CHL1: variants seen among roughly 807,000 people sequenced by gnomAD.
The protein encoded by CHL1 is neural cell adhesion molecule L1-like protein.
In CHL1, 96 loss-of-function variants were observed where a neutral mutation model predicts 141.9. The observed-to-expected ratio is 0.68, with a 90% CI of 0.57 to 0.80. The LOEUF is 0.80. Among genes scored for constraint, CHL1 ranks in the 30% least tolerant of loss-of-function variants. CHL1 has a pLI of 0.00. For missense variants in CHL1, 1,820 were observed against 1,457.2 expected, an observed-to-expected ratio of 1.25 and a Z score of -4.05; for synonymous variants, 613 against 502.2, an observed-to-expected ratio of 1.22 and a Z score of -2.95.
Position 342,090 on chromosome 3 carries a change from C to T in CHL1, c.679+8C>T, listed in dbSNP as rs1702387438. ...AACTAACAGTTAACAGTTGTAAGTC[C>T]ACATAATTTATCGTTTCATCATGTA... On this transcript the variant is annotated splice_region_variant and intron_variant, in intron 7 of 27. Coordinates refer to ENST00000256509, the MANE Select transcript of CHL1 (RefSeq NM_006614.4). The T allele has an allele frequency of 6.3e-7, 1 of 1,597,820 alleles. No homozygotes were observed. Among genetic ancestry groups the T allele is most frequent in the Non-Finnish European group, 8.6e-7 (1 of 1,167,618 alleles).
At chr3:386,669 T>C (rs1303131920) in intron 19 of CHL1, among the ~76,000 whole-genome samples, 2 of 152,152 alleles carry the variant, frequency 1.3e-5, no homozygotes, top group East Asian at 1.9e-4. Context: ...ACCCCACTAA[T>C]GTTGGGAAGC....
chr3:330,120 T>G (rs1424290297), intron 5 of CHL1, among the ~76,000 whole-genome samples: 1 of 152,108 alleles, frequency 6.6e-6, no homozygotes, highest in Non-Finnish European at 1.5e-5. Context: ...TTATATTTGA[T>G]GATATATTGG....
chr3:223,203 A>G (rs1334742318), intron 1 of CHL1, among the ~76,000 whole-genome samples: 2 of 152,214 alleles, frequency 1.3e-5, no homozygotes, highest in South Asian at 2.1e-4. Context: ...TGGTTGATAT[A>G]TCCATAAAAT....
chr3:342,623 G>T (rs986841944), intron 7 of CHL1, among the ~76,000 whole-genome samples: 1 of 152,138 alleles, frequency 6.6e-6, no homozygotes, highest in African/African-American at 2.4e-5. Flanking sequence ...TTTGCTGAGC[G>T]AATAATTGGC....
In CHL1 at chr3:394,743, C is replaced by G. The variant is rs757399198; in HGVS notation, c.2965C>G (p.Pro989Ala). The stretch of plus-strand genomic sequence containing the variant: ...ATTAAATGATATTAACATTACAACT[C>G]CATCAAAGCCCAGCTGGCACCTCTC... ...GELNDINITT[P>A]SKPSWHLSNL... Residue 989 changes from proline (P) to alanine (A), a missense_variant, in exon 24 of 28, where the codon CCA becomes GCA. Physicochemically the swap from Pro to Ala is conservative, Grantham distance 27 (BLOSUM62 -1). Coordinates refer to ENST00000256509, the MANE Select transcript of CHL1 (RefSeq NM_006614.4). 8 of 1,613,640 alleles carry G rather than the reference C, an allele frequency of 5.0e-6. No individual in the cohort carries two copies. The East Asian group carries it at 1.8e-4, about 36-fold the overall frequency.
chr3:337,750 T>C (rs1702020513), intron 5 of CHL1, among the ~76,000 whole-genome samples: 1 of 152,200 alleles, frequency 6.6e-6, no homozygotes, highest in Admixed American at 6.5e-5. Flanking sequence ...CACATTTTCT[T>C]AATCCAGTCT....
chr3:313,740 T>A (rs1699934594), intron 2 of CHL1, among the ~76,000 whole-genome samples: 1 of 152,236 alleles, frequency 6.6e-6, no homozygotes, highest in African/African-American at 2.4e-5. Flanking sequence ...GTTGCCTTTC[T>A]ATGCTTTATT....
At chr3:312,179 CATT>C (rs1456371766) in intron 2 of CHL1, among the ~76,000 whole-genome samples, 2 of 152,120 alleles carry the variant, frequency 1.3e-5, no homozygotes, top group Non-Finnish European at 2.9e-5. Context: ...TATCCCACAT[CATT>C]ATTAACTAAA....
In CHL1 at chr3:408,751, C is replaced by A. The variant is rs1342129051; in HGVS notation, c.*3040C>A. Reference sequence around the variant, plus strand: ...AATTATTAATCAGAAGAAAATTAAGCAGGGTCTTTGCTATACAAAAGTGTT... The same window carrying A: ...AATTATTAATCAGAAGAAAATTAAGAAGGGTCTTTGCTATACAAAAGTGTT... On this transcript the variant is annotated 3_prime_UTR_variant, in exon 28 of 28. Transcript: ENST00000256509. 1 of 151,978 alleles carries A rather than the reference C, an allele frequency of 6.6e-6. No individual in the cohort carries two copies. The highest frequency in any genetic ancestry group is 2.1e-4 in the South Asian group (1 of 4,830). 9.4% of individuals were successfully genotyped at this position (151,978 alleles called of 1,614,324 possible).
chr3:355,101 C>G (rs1703597921), intron 11 of CHL1, among the ~76,000 whole-genome samples: 1 of 152,130 alleles, frequency 6.6e-6, no homozygotes, highest in African/African-American at 2.4e-5. Flanking sequence ...TGAGAAGAAA[C>G]AGAACAGTAG....
intron 1 of CHL1, among the ~76,000 whole-genome samples, chr3:226,918 C>T (rs1019814431): frequency 1.3e-5 from 2 of 152,040 alleles, no homozygotes; most frequent in African/African-American, 4.8e-5. Flanking sequence ...CATATTATTC[C>T]TTGTCAAAAT....
At chr3:205,831 A>T (rs1699383106) in intron 1 of CHL1, among the ~76,000 whole-genome samples, 1 of 152,210 alleles carries the variant, frequency 6.6e-6, no homozygotes, top group Non-Finnish European at 1.5e-5. Flanking sequence ...TGCAATCTCC[A>T]CATCAGTGAT....
intron 19 of CHL1, among the ~76,000 whole-genome samples, chr3:386,492 A>G (rs1406581419): frequency 6.6e-6 from 1 of 152,220 alleles, no homozygotes; most frequent in Non-Finnish European, 1.5e-5. Context: ...GCAAAACAGG[A>G]CAAAAGAGTC....
chr3:283,708 A>G (rs901502132), intron 2 of CHL1, among the ~76,000 whole-genome samples: 2 of 152,222 alleles, frequency 1.3e-5, no homozygotes, highest in East Asian at 1.9e-4. Flanking sequence ...CCCCATGGGT[A>G]CATACATTGG....
intron 14 of CHL1, among the ~76,000 whole-genome samples, chr3:364,877 A>C (rs552927051): frequency 1.3e-5 from 2 of 152,220 alleles, no homozygotes; most frequent in South Asian, 4.1e-4. Flanking sequence ...AAAATGCCAC[A>C]ATGAATATGC....
intron 2 of CHL1, chr3:248,390 A>G (rs1289461222): frequency 6.6e-6 from 1 of 152,136 alleles, no homozygotes; most frequent in Admixed American, 6.6e-5. Flanking sequence ...CACTATATGA[A>G]GAATTACATT....
At chr3:241,737 T>G (rs1207091519) in intron 1 of CHL1, among the ~76,000 whole-genome samples, 1 of 152,210 alleles carries the variant, frequency 6.6e-6, no homozygotes, top group Non-Finnish European at 1.5e-5. Context: ...TTAAATTACT[T>G]TCTTTTTAAT....
chr3:389,361 T>C lies in CHL1; in HGVS notation c.2357T>C (p.Leu786Ser). ...WEEETVTNHT[L>S]RVMTPAVYAP... ...GAAGAAACAGTCACAAACCACACAT[T>C]GCGGGTGATGACGCCTGCTGTCTAT... Residue 786 changes from leucine (L) to serine (S), a missense_variant, in exon 20 of 28, where the codon TTG (leucine) becomes TCG (serine). By Grantham distance (145) the Leu-to-Ser change is moderately radical. Coordinates refer to ENST00000256509, the MANE Select transcript of CHL1 (RefSeq NM_006614.4). The C allele has an allele frequency of 6.2e-7, 1 of 1,614,130 alleles. No homozygotes were observed. The highest frequency in any genetic ancestry group is 2.2e-5 in the East Asian group (1 of 44,878).
intron 16 of CHL1, among the ~76,000 whole-genome samples, chr3:381,073 A>G (rs114604026): frequency 6.6e-6 from 1 of 152,096 alleles, no homozygotes; most frequent in Non-Finnish European, 1.5e-5. Context: ...TCCTGGGCCC[A>G]CCTTCCTCAG....
Sources: allele counts gnomAD v4.1 joint callset (sites outside exome capture counted in the v4.1 genomes callset), GRCh38; gene constraint gnomAD v4.1.1; transcripts MANE v1.5; gene names NCBI Gene and HGNC (gene_info 2026-07-23, HGNC 2026-07-21).